The following RAC1 variants were observed in gnomAD, a reference collection of about 807,000 sequenced individuals.
RAC1 encodes Rac family small GTPase 1, also known as ras-related C3 botulinum toxin substrate 1.
Under a neutral mutation model 25.2 loss-of-function variants are expected in RAC1, and 2 were observed. The ratio of observed to expected loss-of-function variants is 0.08; its 90% CI spans 0.03 to 0.25. RAC1 has a LOEUF of 0.25. RAC1 is among the 10% of genes least tolerant of loss of function. The pLI is 1.00. For synonymous variants in RAC1, 88 were observed against 94.0 expected (o/e 0.94, Z 0.37); for missense variants, 50 against 235.7 (o/e 0.21, Z 5.16).
At chr7:6,382,239 C>T (rs1782788778) in intron 1 of RAC1, among the ~76,000 whole-genome samples, 1 of 152,152 alleles carries the variant, frequency 6.6e-6, no homozygotes, top group Admixed American at 6.6e-5. Flanking sequence ...AAGTGATCCA[C>T]CCGCCTTGGC....
chr7:6,397,984 G>A (rs1262280761), intron 3 of RAC1, among the ~76,000 whole-genome samples: 4 of 152,176 alleles, frequency 2.6e-5, no homozygotes, highest in African/African-American at 9.7e-5. Context: ...GCAAGACTCC[G>A]TCTCAAAAAC....
intron 2 of RAC1, among the ~76,000 whole-genome samples, chr7:6,389,826 C>T (rs34170697): frequency 3.9e-5 from 6 of 152,246 alleles, no homozygotes; most frequent in African/African-American, 1.4e-4. Context: ...ACACCTGGCT[C>T]TTTTGAATGT....
chr7:6,392,105 G>T, intron 3 of RAC1, 64 bp downstream of exon 3: 1 of 1,606,526 alleles, frequency 6.2e-7, no homozygotes, highest in Non-Finnish European at 8.5e-7. Context: ...CGCTTAATTA[G>T]TGCATGTTAC....
At position 6,392,194 on chromosome 7, in the gene RAC1, C is replaced by A. The variant is rs572425012; in HGVS notation, c.225+153C>A. On this transcript the variant is annotated intron_variant, in intron 3 of 5. Coordinates refer to ENST00000348035, the MANE Select transcript of RAC1 (RefSeq NM_006908.5). ...GGTGGGATTGGTTCCATGTAAACATCCCCCTAGATGCAAGCCCAGGGGTTT... is the reference window on the plus strand; with the variant it reads ...GGTGGGATTGGTTCCATGTAAACATACCCCTAGATGCAAGCCCAGGGGTTT... Among the ~76,000 whole-genome samples, 13 of 152,232 alleles carry A rather than the reference C, an allele frequency of 8.5e-5. 1 individual carries two copies. The South Asian group carries it at 2.5e-3, about 29-fold the overall frequency.
intron 1 of RAC1, among the ~76,000 whole-genome samples, chr7:6,385,018 C>G (rs1447823797): frequency 6.6e-6 from 1 of 151,970 alleles, no homozygotes; most frequent in Non-Finnish European, 1.5e-5. Context: ...GTTGGCCCAG[C>G]TGGTCTTGAA....
At chr7:6,376,893 C>T (rs746438306) in intron 1 of RAC1, among the ~76,000 whole-genome samples, 5 of 150,860 alleles carry the variant, frequency 3.3e-5, no homozygotes, top group Admixed American at 6.7e-5. Context: ...TTGTGGACCT[C>T]TGCTGTTTGA....
At chr7:6,389,549 A>T (rs1202481622) in intron 2 of RAC1, among the ~76,000 whole-genome samples, 1 of 151,952 alleles carries the variant, frequency 6.6e-6, no homozygotes, top group Non-Finnish European at 1.5e-5. Context: ...GCATGGTGGC[A>T]CATGACTATA....
chr7:6,394,864 AT>A (rs1157027662), intron 3 of RAC1, among the ~76,000 whole-genome samples: 3 of 144,162 alleles, frequency 2.1e-5, no homozygotes, highest in Non-Finnish European at 4.6e-5. Flanking sequence ...TTTGTATTTT[AT>A]TTTTTTTGAG....
intron 2 of RAC1, among the ~76,000 whole-genome samples, chr7:6,389,460 C>T (rs1783023539): frequency 1.3e-5 from 2 of 151,666 alleles, no homozygotes; most frequent in Admixed American, 6.6e-5. Context: ...CTGGGCGGAT[C>T]ACTGAGGTAA....
At chr7:6,402,280 C>T (rs759267914) in intron 5 of RAC1, 36 bp from the exon 6 acceptor site, 9 of 1,571,122 alleles carry the variant, frequency 5.7e-6, no homozygotes, top group African/African-American at 2.7e-5. Context: ...AGAGTGGGGT[C>T]GAGTGTACAT....
At chr7:6,399,911 TC>T (rs1484283109) in intron 3 of RAC1, 1 of 579,426 alleles carries the variant, frequency 1.7e-6, no homozygotes, top group African/African-American at 1.9e-5. Flanking sequence ...CCCTTCATGC[TC>T]CCCATTTTCA....
chr7:6,383,624 C>T (rs1782833806), intron 1 of RAC1, among the ~76,000 whole-genome samples: 1 of 151,852 alleles, frequency 6.6e-6, no homozygotes, highest in Non-Finnish European at 1.5e-5. Context: ...CAGCTGGTTG[C>T]CTTTATATTA....
At chr7:6,387,383 A>G (rs1326590877) in intron 2 of RAC1, 100 bp downstream of exon 2, 4 of 823,898 alleles carry the variant, frequency 4.9e-6, no homozygotes, top group Admixed American at 5.6e-5. Flanking sequence ...CCTCATATGA[A>G]CAGATACTAA....
chr7:6,382,601 C>T (rs1286619914), intron 1 of RAC1, among the ~76,000 whole-genome samples: 5 of 152,166 alleles, frequency 3.3e-5, no homozygotes, highest in South Asian at 2.1e-4. Flanking sequence ...TGGTGGCTCA[C>T]GCCTGTAACC....
At chr7:6,374,946 C>T (rs1052679213) in intron 1 of RAC1, among the ~76,000 whole-genome samples, 176 bp downstream of exon 1, 2 of 151,492 alleles carry the variant, frequency 1.3e-5, no homozygotes, top group African/African-American at 4.8e-5. Flanking sequence ...ACCCTGACGG[C>T]CCGGGCGGCG....
At chr7:6,402,229 G>T (rs773771341) in intron 5 of RAC1, 87 bp from the exon 6 acceptor site, 1 of 1,518,040 alleles carries the variant, frequency 6.6e-7, no homozygotes, top group Non-Finnish European at 8.8e-7. Context: ...GAAGGCGCCC[G>T]GGCCCCAGGA....
At chr7:6,386,188 C>G (rs889855835) in intron 1 of RAC1, among the ~76,000 whole-genome samples, 2 of 152,176 alleles carry the variant, frequency 1.3e-5, no homozygotes, top group African/African-American at 4.8e-5. Flanking sequence ...GTTTAACTCC[C>G]ATCGTCTCTG....
intron 3 of RAC1, among the ~76,000 whole-genome samples, chr7:6,397,253 GAAAA>G (rs1049025125): frequency 9.4e-5 from 9 of 96,232 alleles, no homozygotes; most frequent in Non-Finnish European, 1.9e-4. Flanking sequence ...AAAAAAAAAA[GAAAA>G]AAAAGAAAAA....
chr7:6,402,077 G>C, intron 5 of RAC1, 50 bp downstream of exon 5: 1 of 1,577,186 alleles, frequency 6.3e-7, no homozygotes, highest in Non-Finnish European at 8.6e-7. Flanking sequence ...TTATTGTAGT[G>C]ACAGAGACTG....
Sources: gnomAD v4.1 joint callset for allele counts (sites outside exome capture counted in the v4.1 genomes callset) on GRCh38, gnomAD v4.1.1 for gene constraint, MANE v1.5 for transcripts, NCBI Gene and HGNC (gene_info 2026-07-23, HGNC 2026-07-21) for gene names.